The following CADM2 variants were observed in gnomAD, a reference collection of about 807,000 sequenced individuals.
CADM2 encodes cell adhesion molecule 2, also known as immunoglobulin superfamily member 4D.
Under a neutral mutation model 49.8 loss-of-function variants are expected in CADM2, and 12 were observed. The ratio of observed to expected loss-of-function variants is 0.24; its 90% CI spans 0.15 to 0.39. CADM2 has a LOEUF of 0.39. Among genes scored for constraint, CADM2 ranks in the 10% least tolerant of loss-of-function variants. The pLI, the probability that CADM2 is intolerant of heterozygous loss-of-function variation, is 1.00. For synonymous variants in CADM2, 214 were observed against 175.4 expected, an observed-to-expected ratio of 1.22 and a Z score of -1.74; for missense variants, 378 against 492.3, an observed-to-expected ratio of 0.77 and a Z score of 2.20.
At chr3:85,075,089 T>TGA (rs2036893976) in intron 1 of CADM2, among the ~76,000 whole-genome samples, 1 of 152,096 alleles carries the variant, frequency 6.6e-6, no homozygotes, top group Non-Finnish European at 1.5e-5. Flanking sequence ...AACAAATACT[T>TGA]GAGAAGAAAT....
At position 85,123,662 on chromosome 3, in the gene CADM2, G is replaced by A. The variant is rs554967591; in HGVS notation, c.61+163994G>A. On this transcript the variant is annotated intron_variant, in intron 1 of 9. Transcript: ENST00000383699. ...TTCAGCAGTTTATTGATATCAGGAG[G>A]CAAATTGTTTAATTAAACATATATA... 1.6e-4 allele frequency among the ~76,000 whole-genome samples: 24 copies of A among 152,050 alleles called. No homozygotes were observed. In the South Asian group the frequency reaches 4.4e-3, roughly 28 times the overall value.
At chr3:86,023,013 G>T (rs1733392258) in intron 8 of CADM2, among the ~76,000 whole-genome samples, 1 of 151,970 alleles carries the variant, frequency 6.6e-6, no homozygotes, top group Non-Finnish European at 1.5e-5. Flanking sequence ...GCAAAAAAAA[G>T]AAAATTATTT....
At chr3:85,454,010 C>A (rs1326643976) in intron 1 of CADM2, among the ~76,000 whole-genome samples, 1 of 152,112 alleles carries the variant, frequency 6.6e-6, no homozygotes, top group Admixed American at 6.6e-5. Flanking sequence ...CAAGAAAAAA[C>A]AGATTGAAGA....
At chr3:85,686,354 T>A (rs188718976) in intron 1 of CADM2, among the ~76,000 whole-genome samples, 9 of 152,302 alleles carry the variant, frequency 5.9e-5, no homozygotes, top group African/African-American at 1.9e-4. Context: ...TATGAATTTT[T>A]AAAAAATGGT....
chr3:85,886,560 T>C (rs1348311945), intron 5 of CADM2, among the ~76,000 whole-genome samples: 1 of 152,120 alleles, frequency 6.6e-6, no homozygotes, highest in Non-Finnish European at 1.5e-5. Context: ...TAAAATAATA[T>C]ATGCCTTATA....
chr3:85,750,277 G>T lies in CADM2; in HGVS notation c.88+23729G>T, dbSNP rs73845633. Among the ~76,000 whole-genome samples, 848 of 152,104 alleles carry T rather than the reference G, an allele frequency of 5.6e-3. 10 individuals are homozygous for T. Among genetic ancestry groups the T allele is most frequent in the African/African-American group, 0.02 (816 of 41,534 alleles). ...ATGAGTTTATTTTGACATCCAGATAGCATTTGCTGAAATGTGAATGGTGTG... is the reference window on the plus strand; with the variant it reads ...ATGAGTTTATTTTGACATCCAGATATCATTTGCTGAAATGTGAATGGTGTG... On this transcript the variant is annotated intron_variant, in intron 2 of 9. Transcript: ENST00000383699.
chr3:85,456,031 TTGAGTC>T (rs2037975649), intron 1 of CADM2, among the ~76,000 whole-genome samples: 1 of 152,170 alleles, frequency 6.6e-6, no homozygotes, highest in African/African-American at 2.4e-5. Flanking sequence ...GTGAAGAACT[TTGAGTC>T]TGAGTCTAAC....
intron 1 of CADM2, among the ~76,000 whole-genome samples, chr3:85,240,046 T>C (rs2042494640): frequency 6.6e-6 from 1 of 151,538 alleles, no homozygotes; most frequent in Non-Finnish European, 1.5e-5. Flanking sequence ...TTGTAAGAAA[T>C]TTTTCATTGT....
At chr3:85,141,412 G>A (rs1396590145) in intron 1 of CADM2, among the ~76,000 whole-genome samples, 3 of 152,116 alleles carry the variant, frequency 2.0e-5, no homozygotes, top group African/African-American at 7.2e-5. Context: ...GGGAAACATT[G>A]TAAAAACGTT....
At chr3:85,240,275 T>G (rs1176265884) in intron 1 of CADM2, among the ~76,000 whole-genome samples, 2 of 151,554 alleles carry the variant, frequency 1.3e-5, no homozygotes, top group Non-Finnish European at 3.0e-5. Context: ...TATGCCTTGA[T>G]AAATTGTTTT....
intron 1 of CADM2, among the ~76,000 whole-genome samples, chr3:85,134,290 A>T (rs578176750): frequency 6.6e-6 from 1 of 152,178 alleles, no homozygotes; most frequent in East Asian, 1.9e-4. Flanking sequence ...GGCCTTGGCC[A>T]GCCCAGAAAG....
intron 1 of CADM2, among the ~76,000 whole-genome samples, chr3:85,060,975 A>T (rs1277196335): frequency 6.6e-6 from 1 of 152,172 alleles, no homozygotes; most frequent in Non-Finnish European, 1.5e-5. Flanking sequence ...TTCTAACCAG[A>T]ATGCACAAAA....
intron 1 of CADM2, among the ~76,000 whole-genome samples, chr3:85,359,662 A>ATTTTTTT (rs71108279): frequency 1.5e-4 from 4 of 25,928 alleles, no homozygotes; most frequent in African/African-American, 3.6e-4. Context: ...ATATATATAT[A>ATTTTTTT]TATATTTTTT....
intron 8 of CADM2, among the ~76,000 whole-genome samples, chr3:86,021,333 C>T (rs977755437): frequency 6.6e-6 from 1 of 152,080 alleles, no homozygotes; most frequent in Non-Finnish European, 1.5e-5. Flanking sequence ...CACTTCAATT[C>T]CCCTTTCAAA....
chr3:85,308,291 A>G (rs1160525887), intron 1 of CADM2, among the ~76,000 whole-genome samples: 1 of 143,798 alleles, frequency 7.0e-6, no homozygotes. Flanking sequence ...TTAAATATCT[A>G]TATCTATATC....
At chr3:85,297,828 A>G (rs1301320924) in intron 1 of CADM2, among the ~76,000 whole-genome samples, 1 of 152,068 alleles carries the variant, frequency 6.6e-6, no homozygotes, top group Non-Finnish European at 1.5e-5. Context: ...CCCAAATGGA[A>G]TATAACCTTG....
At position 86,070,765 on chromosome 3, in the gene CADM2, G is replaced by T. The variant is rs1053957086; in HGVS notation, c.*3982G>T. On this transcript the variant is annotated 3_prime_UTR_variant, in exon 10 of 10. Transcript: ENST00000383699. The stretch of plus-strand genomic sequence containing the variant: ...CAAAATATAGGTAACTACAGTGTAC[G>T]TACATGTAAGTATCTTGTACTTGCT... 1 of 151,886 alleles carries T rather than the reference G, an allele frequency of 6.6e-6. No individual in the cohort carries two copies. The highest frequency in any genetic ancestry group is 1.5e-5 in the Non-Finnish European group (1 of 67,820). 9.4% of individuals were successfully genotyped at this position (151,886 alleles called of 1,614,324 possible).
intron 8 of CADM2, among the ~76,000 whole-genome samples, chr3:86,038,924 C>T (rs889163534): frequency 1.1e-4 from 17 of 152,172 alleles, no homozygotes; most frequent in Non-Finnish European, 5.9e-5. Flanking sequence ...CTAGTGACAG[C>T]TGTTTGAAAA....
chr3:85,371,826 G>A (rs1386475091), intron 1 of CADM2, among the ~76,000 whole-genome samples: 1 of 150,630 alleles, frequency 6.6e-6, no homozygotes, highest in African/African-American at 2.4e-5. Context: ...GGTTCCAGAG[G>A]GCTGACTGCA....
Sources: gnomAD v4.1 joint callset for allele counts (sites outside exome capture counted in the v4.1 genomes callset) on GRCh38, gnomAD v4.1.1 for gene constraint, MANE v1.5 for transcripts, NCBI Gene and HGNC (gene_info 2026-07-23, HGNC 2026-07-21) for gene names.